The following HDHD2 variants were observed in gnomAD, a reference collection of about 807,000 sequenced individuals.
HDHD2 encodes the protein haloacid dehalogenase like hydrolase domain containing 2.
A neutral mutation model predicts 24.8 loss-of-function variants in HDHD2; 26 were observed. The observed-to-expected ratio is 1.05, with a 90% CI of 0.77 to 1.45. HDHD2 has a LOEUF of 1.45. Ranked by LOEUF, HDHD2 falls within the 40% of genes most tolerant of loss-of-function variation. HDHD2 has a pLI of 0.00. For synonymous variants in HDHD2, 128 were observed against 114.9 expected (o/e 1.11, Z -0.73); for missense variants, 299 against 313.4 (o/e 0.95, Z 0.35).
At chr18:47,109,090 C>T (rs1433292395) in intron 6 of HDHD2, 1 of 305,606 alleles carries the variant, frequency 3.3e-6, no homozygotes, top group Non-Finnish European at 6.0e-6. Context: ...TTTCTTTCCC[C>T]TACCCTCAGC....
chr18:47,145,053 T>G (rs2063855923), intron 1 of HDHD2, among the ~76,000 whole-genome samples: 1 of 152,148 alleles, frequency 6.6e-6, no homozygotes, highest in South Asian at 2.1e-4. Flanking sequence ...AGACTATCAG[T>G]GTGCAAATTC....
At chr18:47,114,179 G>A (rs971504779) in intron 5 of HDHD2, among the ~76,000 whole-genome samples, 43 of 152,172 alleles carry the variant, frequency 2.8e-4, no homozygotes, top group African/African-American at 9.4e-4. Flanking sequence ...AAATACTACT[G>A]AGCTCAGTGA....
chr18:47,143,171 G>T (rs1287688173), intron 1 of HDHD2, among the ~76,000 whole-genome samples: 2 of 152,166 alleles, frequency 1.3e-5, no homozygotes, highest in Admixed American at 1.3e-4. Flanking sequence ...AAGATTGTTG[G>T]CCAGGTACAG....
intron 1 of HDHD2, among the ~76,000 whole-genome samples, chr18:47,148,388 T>C (rs140763269): frequency 2.0e-5 from 3 of 152,320 alleles, no homozygotes; most frequent in Non-Finnish European, 4.4e-5. Flanking sequence ...CTATAAAGGC[T>C]TCAAAGGTAG....
At chr18:47,124,706 C>CAAAAAA (rs34350751) in intron 4 of HDHD2, among the ~76,000 whole-genome samples, 34 of 43,266 alleles carry the variant, frequency 7.9e-4, no homozygotes, top group Admixed American at 1.0e-3. Context: ...AACTCTGACT[C>CAAAAAA]AAAAAAAAAA....
At chr18:47,116,500 T>C (rs2063558890) in intron 4 of HDHD2, among the ~76,000 whole-genome samples, 1 of 152,234 alleles carries the variant, frequency 6.6e-6, no homozygotes, top group South Asian at 2.1e-4. Context: ...TTAAATATTT[T>C]ATTAAGTAAA....
At chr18:47,143,199 C>G (rs943528950) in intron 1 of HDHD2, among the ~76,000 whole-genome samples, 12 of 152,210 alleles carry the variant, frequency 7.9e-5, no homozygotes, top group African/African-American at 2.9e-4. Flanking sequence ...CACCTGTAAT[C>G]CCAGCACTTT....
intron 3 of HDHD2, among the ~76,000 whole-genome samples, chr18:47,132,654 G>A (rs748786222): frequency 6.6e-6 from 1 of 152,172 alleles, no homozygotes; most frequent in Non-Finnish European, 1.5e-5. Context: ...ATTAGTACTA[G>A]TTTTGAGGTC....
At chr18:47,115,410 C>A (rs778497054) in intron 4 of HDHD2, 62 bp from the exon 5 acceptor site, 14 of 1,198,856 alleles carry the variant, frequency 1.2e-5, no homozygotes, top group Non-Finnish European at 1.4e-5. Context: ...TGACTGGGAA[C>A]GAATGTCAGA....
Position 47,134,329 on chromosome 18 carries a change from C to CA in HDHD2, c.310+166dup, listed in dbSNP as rs576684439. 121 of 616,396 alleles carry CA rather than the reference C, an allele frequency of 2.0e-4. 1 individual carries two copies. The South Asian group carries it at 2.4e-3, about 12-fold the overall frequency. 38.2% of individuals were successfully genotyped at this position (616,396 alleles called of 1,614,324 possible). On this transcript the variant is annotated intron_variant, in intron 3 of 6. Transcript: ENST00000300605. The stretch of plus-strand genomic sequence containing the variant: ...TGTTTCACTTACTGTGGATTACAGT[C>CA]AAAAAAAGGTTTGGGAAATGCCAAT...
At chr18:47,148,425 A>G (rs1485390815) in intron 1 of HDHD2, among the ~76,000 whole-genome samples, 1 of 152,216 alleles carries the variant, frequency 6.6e-6, no homozygotes, top group East Asian at 1.9e-4. Flanking sequence ...TCTTGAGTCC[A>G]TACCCATCTC....
In HDHD2 at chr18:47,112,967, A is replaced by G; in HGVS notation, c.676+10T>C. 6.2e-7 allele frequency: 1 copy of G among 1,608,408 alleles called. No individual in the cohort carries two copies. The highest frequency in any genetic ancestry group is 1.1e-5 in the South Asian group (1 of 90,968). On this transcript the variant is annotated intron_variant, in intron 6 of 6. Coordinates refer to ENST00000300605, the MANE Select transcript of HDHD2 (RefSeq NM_032124.5). ...TGTTTTAGAAAATGCTTTATACAGA[A>G]GATACATACCAGTCTTTACTAAGAT...
chr18:47,136,647 T>C (rs2063769015), intron 1 of HDHD2, among the ~76,000 whole-genome samples, 198 bp from the exon 2 acceptor site: 1 of 148,578 alleles, frequency 6.7e-6, no homozygotes, highest in Non-Finnish European at 1.5e-5. Context: ...CTTAGGTTTT[T>C]TTTTAAAAAA....
At chr18:47,115,859 A>G (rs183830225) in intron 4 of HDHD2, among the ~76,000 whole-genome samples, 121 of 152,282 alleles carry the variant, frequency 7.9e-4, no homozygotes, top group Middle Eastern at 3.4e-3. Flanking sequence ...GTGTTTTACA[A>G]AGAGTTTCTG....
At position 47,134,578 on chromosome 18, in the gene HDHD2, C is replaced by CA. The variant is rs1359595599; in HGVS notation, c.227dup (p.Thr77AspfsTer19). On this transcript the variant is annotated frameshift_variant, in exon 3 of 7. Transcript: ENST00000300605. LOFTEE classifies it high-confidence loss of function. ...GCTCTAGTAAACTTCTGGCTGCAGT[C>CA]AGAGATGTGAATATTTCATCTTCAG... 3.1e-6 allele frequency: 5 copies of CA among 1,613,992 alleles called. No individual in the cohort carries two copies. Among genetic ancestry groups the CA allele is most frequent in the African/African-American group, 1.3e-5 (1 of 74,906 alleles).
intron 6 of HDHD2, chr18:47,111,860 A>C (rs2063518626): frequency 1.1e-6 from 1 of 944,758 alleles, no homozygotes. Flanking sequence ...TTTTCTAAAA[A>C]ATTCCCCAGT....
chr18:47,122,535 TA>T (rs532487740), intron 4 of HDHD2, among the ~76,000 whole-genome samples: 137 of 152,254 alleles, frequency 9.0e-4, no homozygotes, highest in African/African-American at 3.1e-3. Flanking sequence ...ACCGCTAAAC[TA>T]AAGTAATGCC....
At position 47,108,290 on chromosome 18, in the gene HDHD2, T is replaced by C. The variant is rs1426948371; in HGVS notation, c.*392A>G. The C allele has an allele frequency of 1.2e-5, 2 of 160,630 alleles. No individual in the cohort carries two copies. The highest frequency in any genetic ancestry group is 2.7e-5 in the Non-Finnish European group (2 of 73,920). 10.0% of individuals were successfully genotyped at this position (160,630 alleles called of 1,614,324 possible). ...TAATGCACCTTTTAATACATTACTT[T>C]ATAATTTAAAAACCACCATTCAACT... is the stretch of plus-strand genomic sequence containing the variant. On this transcript the variant is annotated 3_prime_UTR_variant, in exon 7 of 7. Coordinates refer to ENST00000300605, the MANE Select transcript of HDHD2 (RefSeq NM_032124.5).
chr18:47,145,547 T>C (rs1418548113), intron 1 of HDHD2, among the ~76,000 whole-genome samples: 1 of 152,192 alleles, frequency 6.6e-6, no homozygotes, highest in East Asian at 1.9e-4. Flanking sequence ...AATAATATGG[T>C]GTTGGAACCA....
Sources: gnomAD v4.1 joint callset for allele counts (sites outside exome capture counted in the v4.1 genomes callset) on GRCh38, gnomAD v4.1.1 for gene constraint, MANE v1.5 for transcripts, NCBI Gene and HGNC (gene_info 2026-07-23, HGNC 2026-07-21) for gene names.